Variants in NPHP4 observed in about 807,000 individuals in gnomAD.
NPHP4 encodes nephrocystin 4, also known as nephrocystin-4.
In NPHP4, 151 loss-of-function variants were observed where a neutral mutation model predicts 155.8. That is an observed-to-expected ratio of 0.97 (90% CI 0.85 to 1.11). The LOEUF (loss-of-function observed/expected upper bound fraction) is 1.11. Among genes scored for constraint, NPHP4 ranks in the 50% least tolerant of loss-of-function variants. The pLI is 0.00. For synonymous variants in NPHP4, 845 were observed against 816.8 expected (o/e 1.03, Z -0.59); for missense variants, 1,956 against 1,925.7 (o/e 1.02, Z -0.29).
intron 6 of NPHP4, among the ~76,000 whole-genome samples, chr1:5,956,213 G>C (rs549413953): frequency 6.6e-6 from 1 of 152,172 alleles, no homozygotes; most frequent in Admixed American, 6.5e-5. Flanking sequence ...AGGGTCACCA[G>C]GCATCTGGGA....
chr1:5,929,017 CCTAA>C (rs749684759), intron 10 of NPHP4, among the ~76,000 whole-genome samples: 2 of 151,390 alleles, frequency 1.3e-5, no homozygotes, highest in Non-Finnish European at 2.9e-5. Context: ...ATACAGATCC[CCTAA>C]CTATTTTGTT....
At chr1:5,981,269 A>C (rs1471787272) in intron 2 of NPHP4, among the ~76,000 whole-genome samples, 2 of 151,144 alleles carry the variant, frequency 1.3e-5, no homozygotes, top group Non-Finnish European at 1.5e-5. Context: ...GATCCTAACC[A>C]CCCTCCCACC....
intron 3 of NPHP4, among the ~76,000 whole-genome samples, chr1:5,974,878 C>T (rs1469338950): frequency 1.3e-5 from 2 of 152,148 alleles, no homozygotes; most frequent in Admixed American, 1.3e-4. Flanking sequence ...CAGCCACGGG[C>T]GCTCCAAATG....
At chr1:5,964,749 C>G (rs1394429766) in intron 5 of NPHP4, among the ~76,000 whole-genome samples, 1 of 151,270 alleles carries the variant, frequency 6.6e-6, no homozygotes. Flanking sequence ...GAAAAGAACT[C>G]GGTTCTCCAG....
At chr1:5,964,750 G>A (rs1651027713) in intron 5 of NPHP4, among the ~76,000 whole-genome samples, 1 of 151,090 alleles carries the variant, frequency 6.6e-6, no homozygotes, top group Admixed American at 6.6e-5. Flanking sequence ...AAAAGAACTC[G>A]GTTCTCCAGT....
At chr1:5,872,213 C>T (rs528208584) in intron 23 of NPHP4, among the ~76,000 whole-genome samples, 88 of 152,210 alleles carry the variant, frequency 5.8e-4, no homozygotes, top group Non-Finnish European at 1.0e-3. Context: ...CCCTGGCCCT[C>T]GCCCCCTTTG....
chr1:5,980,098 C>T lies in NPHP4; in HGVS notation c.136-1685G>A, dbSNP rs572408091. Among the ~76,000 whole-genome samples the T allele has an allele frequency of 1.7e-3, 266 of 152,218 alleles. 2 individuals carry two copies. The highest frequency in any genetic ancestry group is 6.1e-3 in the African/African-American group (252 of 41,530). On this transcript the variant is annotated intron_variant, in intron 2 of 29. Coordinates refer to ENST00000378156, the MANE Select transcript of NPHP4 (RefSeq NM_015102.5). ...GAGACCACGACATGACTCTCCTTGG[C>T]CAACGCAAGCCCGTCCAGCTGCCCA...
rs1426780611 is a variant in NPHP4, at chr1:5,917,665, C to G, written c.1442-8452G>C. On this transcript the variant is annotated intron_variant, in intron 11 of 29. Coordinates refer to ENST00000378156, the MANE Select transcript of NPHP4 (RefSeq NM_015102.5). ...TTACTGTGGGCCAGGACTCATCAGG[C>G]AATGTACAGATGAATGAAACAGTCC... is the stretch of plus-strand genomic sequence containing the variant. 7.9e-5 allele frequency among the ~76,000 whole-genome samples: 12 copies of G among 152,158 alleles called. 1 individual carries two copies. The highest frequency in any genetic ancestry group is 2.4e-4 in the African/African-American group (10 of 41,424).
Position 5,961,916 on chromosome 1 carries a change from C to T in NPHP4, c.551G>A (p.Ser184Asn), listed in dbSNP as rs371641969. The part of the protein sequence containing the change: ...NRHMTLIENC[S>N]LQYTLKPHPA... ...GTGTGGCTTCAGCGTGTACTGCAGG[C>T]TGCAGTTCTCAATGAGGGTCATGTG... The change falls in exon 6 of 30, where the codon AGC becomes AAC. Residue 184 changes from serine (S) to asparagine (N), a missense_variant. Coordinates refer to ENST00000378156, the MANE Select transcript of NPHP4 (RefSeq NM_015102.5). 14 of 1,609,720 alleles carry T rather than the reference C, an allele frequency of 8.7e-6. No individual in the cohort carries two copies. The African/African-American group carries it at 1.5e-4, about 17-fold the overall frequency.
intron 7 of NPHP4, among the ~76,000 whole-genome samples, chr1:5,951,668 T>C (rs1292993063): frequency 6.6e-6 from 1 of 152,182 alleles, no homozygotes; most frequent in Non-Finnish European, 1.5e-5. Context: ...CCAACACTAT[T>C]TGTGACAGTT....
At chr1:5,876,715 AT>A (rs1043675109) in intron 20 of NPHP4, among the ~76,000 whole-genome samples, 2 of 152,150 alleles carry the variant, frequency 1.3e-5, no homozygotes, top group Non-Finnish European at 1.5e-5. Context: ...AAAAAGGGGA[AT>A]TTTTCTAGCC....
Position 5,869,172 on chromosome 1 carries a change from GCA to G in NPHP4, c.3316-1278_3316-1277del, listed in dbSNP as rs200356410. ...CACATGCACACACACGCACCCACATGCACACAATGCACACATACATGCACACA... is the reference window on the plus strand; with the variant it reads ...CACATGCACACACACGCACCCACATGCACAATGCACACATACATGCACACA... On this transcript the variant is annotated intron_variant, in intron 23 of 29. Transcript: ENST00000378156. 6.9e-3 allele frequency among the ~76,000 whole-genome samples: 903 copies of G among 131,370 alleles called. 11 individuals carry two copies. Among genetic ancestry groups the G allele is most frequent in the African/African-American group, 0.022 (768 of 34,144 alleles). 86.2% of individuals were successfully genotyped at this position (131,370 alleles called of 152,430 possible). A position where few individuals can be genotyped will look rare whatever the true frequency, so the allele number is the denominator to read the frequency against.
intron 19 of NPHP4, 140 bp from the exon 20 acceptor site, chr1:5,877,438 T>C (rs1642735671): frequency 1.8e-6 from 1 of 552,538 alleles, no homozygotes; most frequent in East Asian, 3.1e-5. Context: ...AGCTCCAATC[T>C]GCAGAGTTCT....
chr1:5,916,692 G>A (rs1016290774), intron 11 of NPHP4, among the ~76,000 whole-genome samples: 1 of 152,224 alleles, frequency 6.6e-6, no homozygotes, highest in African/African-American at 2.4e-5. Context: ...TCAAAGCATG[G>A]TTCCCCACAG....
intron 5 of NPHP4, among the ~76,000 whole-genome samples, chr1:5,964,941 A>ATATATATATATATATATATTTTTTTTT: frequency 1.7e-5 from 1 of 59,406 alleles, no homozygotes; most frequent in Non-Finnish European, 2.9e-5. Context: ...ATATATATAT[A>ATATATATATATATATATATTTTTTTTT]TTTTTTTTTT....
chr1:5,904,550 CACTG>C, intron 16 of NPHP4, 63 bp downstream of exon 16: 2 of 1,263,534 alleles, frequency 1.6e-6, no homozygotes, highest in Non-Finnish European at 2.2e-6. Flanking sequence ...TATTTAATAA[CACTG>C]ACAATTTACA....
chr1:5,909,041 A>T (rs1166747623), intron 12 of NPHP4, 111 bp downstream of exon 12: 5 of 922,264 alleles, frequency 5.4e-6, no homozygotes, highest in Non-Finnish European at 8.7e-6. Context: ...GGCCCTCCCC[A>T]GCCACGCAGA....
chr1:5,947,137 G>A lies in NPHP4; in HGVS notation c.1086C>T (p.Tyr362=), dbSNP rs762252256. The A allele has an allele frequency of 5.0e-6, 8 of 1,613,948 alleles. No individual in the cohort carries two copies. Among genetic ancestry groups the A allele is most frequent in the Middle Eastern group, 1.6e-4 (1 of 6,062 alleles). The change falls in exon 9 of 30, where the codon TAC becomes TAT. Residue 362 remains tyrosine, a synonymous_variant. Coordinates refer to ENST00000378156, the MANE Select transcript of NPHP4 (RefSeq NM_015102.5). ...PAFAVIFQLE[Y]VFSSPAGVDG... ...CCACTCCTGCAGGGCTGCTGAACAC[G>A]TACTCCAGCTGGAAGATGACCGCAA...
chr1:5,952,182 G>A (rs1269452208), intron 7 of NPHP4, among the ~76,000 whole-genome samples: 3 of 152,160 alleles, frequency 2.0e-5, no homozygotes, highest in Non-Finnish European at 4.4e-5. Context: ...GTCTGGGGGC[G>A]CCTTCCCAGG....
Sources: allele counts gnomAD v4.1 joint callset (sites outside exome capture counted in the v4.1 genomes callset), GRCh38; gene constraint gnomAD v4.1.1; transcripts MANE v1.5; gene names NCBI Gene and HGNC (gene_info 2026-07-23, HGNC 2026-07-21).